The following ELF2 variants were observed in gnomAD, a reference collection of about 807,000 sequenced individuals.
ELF2 encodes the protein ETS-related transcription factor Elf-2.
ELF2 carries 11 observed loss-of-function variants against 54.8 expected under a neutral mutation model. The ratio of observed to expected loss-of-function variants is 0.20; its 90% CI spans 0.13 to 0.33. The LOEUF is 0.33. Among genes scored for constraint, ELF2 ranks in the 10% least tolerant of loss-of-function variants. ELF2 has a pLI of 1.00. For missense variants in ELF2, 513 were observed against 703.0 expected, an observed-to-expected ratio of 0.73 and a Z score of 3.06; for synonymous variants, 203 against 245.1, an observed-to-expected ratio of 0.83 and a Z score of 1.61.
chr4:139,070,335 G>A (rs922585353), intron 6 of ELF2, among the ~76,000 whole-genome samples: 4 of 150,730 alleles, frequency 2.7e-5, no homozygotes, highest in African/African-American at 9.8e-5. Context: ...CTGTCACCCA[G>A]GCTGGAGTAC....
chr4:139,121,577 G>A (rs1178595831), intron 4 of ELF2, among the ~76,000 whole-genome samples: 1 of 151,768 alleles, frequency 6.6e-6, no homozygotes, highest in East Asian at 1.9e-4. Context: ...AACTCCTGTA[G>A]TGAATCCAAA....
At chr4:139,091,333 C>T (rs1052726393) in intron 4 of ELF2, among the ~76,000 whole-genome samples, 1 of 152,024 alleles carries the variant, frequency 6.6e-6, no homozygotes, top group Non-Finnish European at 1.5e-5. Context: ...ACATGTCAAA[C>T]TGTGTGATTT....
At position 139,164,013 on chromosome 4, in the gene ELF2, CAAGAGA is replaced by C. The variant is rs1034946160; in HGVS notation, c.-252+12948_-252+12953del. Among the ~76,000 whole-genome samples the C allele has an allele frequency of 7.4e-4, 94 of 127,678 alleles. 1 individual carries two copies. The highest frequency in any genetic ancestry group is 2.0e-3 in the Admixed American group (21 of 10,740). The allele number at this position is 127,678 out of a possible 152,430, so 83.8% of individuals were successfully genotyped here. On this transcript the variant is annotated intron_variant, in intron 1 of 9. Transcript: ENST00000686138. ...AAGAAGGAAAGGAAAGGGGCAAGGGCAAGAGAAAGAGAAAGAGAAGGAAGGGAGGCA... is the reference window on the plus strand; with the variant it reads ...AAGAAGGAAAGGAAAGGGGCAAGGGCAAGAGAAAGAGAAGGAAGGGAGGCA...
intron 1 of ELF2, among the ~76,000 whole-genome samples, chr4:139,142,228 C>T (rs1335197610): frequency 6.6e-6 from 1 of 152,128 alleles, no homozygotes; most frequent in Admixed American, 6.6e-5. Flanking sequence ...TAAGGACTCA[C>T]TAAAAAAGTG....
Position 139,071,980 on chromosome 4 carries a change from G to A in ELF2, c.412C>T (p.Pro138Ser), listed in dbSNP as rs888576432. ...TPEFIHAAMR[P>S]DVITETVVEV... is the part of the protein sequence containing the mutation. ...ACTACAGTTTCTGTAATGACATCTG[G>A]CCTCATAGCAGCATGGATGAATTCT... The change falls in exon 6 of 10, where the codon CCA becomes TCA. Residue 138 changes from proline (P) to serine (S), a missense_variant. By Grantham distance (74) the Pro-to-Ser change is moderately conservative. Around this residue, in one of 3 missense-constraint regions of ELF2, gnomAD observed 203 missense variants for 245.9 expected, o/e 0.83. Transcript: ENST00000686138. 6.2e-7 allele frequency: 1 copy of A among 1,613,924 alleles called. No homozygotes were observed. Among genetic ancestry groups the A allele is most frequent in the Non-Finnish European group, 8.5e-7 (1 of 1,179,974 alleles).
intron 4 of ELF2, among the ~76,000 whole-genome samples, chr4:139,105,524 T>C (rs536970132): frequency 5.9e-5 from 9 of 152,332 alleles, no homozygotes; most frequent in African/African-American, 2.2e-4. Context: ...GTTAACTGAA[T>C]TTTAACAATG....
Position 139,176,407 on chromosome 4 carries a change from G to A in ELF2, c.-252+560C>T. ...AAACTGGTGTCCAGCGCCCCCCCCC[G>A]CCTGCCCGCCACCCAGAGCGGCCGG... is the stretch of plus-strand genomic sequence containing the variant. On this transcript the variant is annotated intron_variant, in intron 1 of 9. Coordinates refer to ENST00000686138, the MANE Select transcript of ELF2 (RefSeq NM_001331036.3). 1.5e-5 allele frequency among the ~76,000 whole-genome samples: 2 copies of A among 131,312 alleles called. 1 individual carries two copies. Among genetic ancestry groups the A allele is most frequent in the Non-Finnish European group, 3.3e-5 (2 of 60,748 alleles). The allele number at this position is 131,312 out of a possible 152,430, so 86.1% of individuals were successfully genotyped here.
chr4:139,130,476 T>C (rs1298754668), intron 3 of ELF2, among the ~76,000 whole-genome samples: 1 of 152,268 alleles, frequency 6.6e-6, no homozygotes, highest in Non-Finnish European at 1.5e-5. Flanking sequence ...TGTTATTTTG[T>C]AGCCTTCACA....
At chr4:139,139,365 G>A (rs935447606) in intron 2 of ELF2, 48 bp downstream of exon 2, 10 of 959,360 alleles carry the variant, frequency 1.0e-5, no homozygotes, top group Middle Eastern at 7.6e-4. Flanking sequence ...ACCATATAAG[G>A]TACTATTCCC....
intron 4 of ELF2, among the ~76,000 whole-genome samples, chr4:139,124,283 A>C (rs1278160380): frequency 6.6e-6 from 1 of 152,194 alleles, no homozygotes; most frequent in African/African-American, 2.4e-5. Context: ...CCTTAGCTCC[A>C]CAAAAAATAA....
At chr4:139,138,766 T>C (rs1257998861) in intron 2 of ELF2, among the ~76,000 whole-genome samples, 1 of 152,226 alleles carries the variant, frequency 6.6e-6, no homozygotes, top group African/African-American at 2.4e-5. Flanking sequence ...AAAAATAAAG[T>C]AGTTACCACT....
chr4:139,132,487 ATCTATCCCTATAGATT>A (rs1360847405), intron 3 of ELF2, among the ~76,000 whole-genome samples: 1 of 152,076 alleles, frequency 6.6e-6, no homozygotes, highest in East Asian at 1.9e-4. Context: ...GCAACCACTG[ATCTATCCCTATAGATT>A]TCTATCCCTA....
chr4:139,161,530 T>A (rs915831544), intron 1 of ELF2, among the ~76,000 whole-genome samples: 2 of 152,008 alleles, frequency 1.3e-5, no homozygotes, highest in African/African-American at 4.8e-5. Flanking sequence ...ACTTTAAGGT[T>A]CTTTTTTAGG....
intron 3 of ELF2, among the ~76,000 whole-genome samples, chr4:139,125,566 T>C (rs1321374564): frequency 6.6e-6 from 1 of 152,162 alleles, no homozygotes; most frequent in East Asian, 1.9e-4. Context: ...TAGGATTAAG[T>C]TGGCAGATTA....
At chr4:139,068,931 C>T (rs1278980519) in intron 6 of ELF2, among the ~76,000 whole-genome samples, 1 of 151,486 alleles carries the variant, frequency 6.6e-6, no homozygotes, top group Non-Finnish European at 1.5e-5. Context: ...CAGACTGGAG[C>T]GCAGTGACGC....
At chr4:139,105,371 C>T (rs78747818) in intron 4 of ELF2, among the ~76,000 whole-genome samples, 7,809 of 152,208 alleles carry the variant, frequency 0.051, 180 homozygotes, top group Middle Eastern at 0.11. Flanking sequence ...TAATGCCTTG[C>T]ATTTACTAGG....
rs1727300708 is a variant in ELF2, at chr4:139,058,265, G to A, written c.*718C>T. The A allele has an allele frequency of 1.3e-5, 2 of 151,762 alleles. No homozygotes were observed. Among genetic ancestry groups the A allele is most frequent in the Admixed American group, 6.6e-5 (1 of 15,234 alleles). The allele number at this position is 151,762 out of a possible 1,614,324, so 9.4% of individuals were successfully genotyped here. On this transcript the variant is annotated 3_prime_UTR_variant, in exon 10 of 10. Transcript: ENST00000686138. Reference sequence around the variant, plus strand: ...ATATTCTATAACAATACTGTGCTAGGTACAAGATTTTTAAAATTTTTCTTT... The same window carrying A: ...ATATTCTATAACAATACTGTGCTAGATACAAGATTTTTAAAATTTTTCTTT...
At chr4:139,119,877 A>C (rs1484184662) in intron 4 of ELF2, among the ~76,000 whole-genome samples, 2 of 152,056 alleles carry the variant, frequency 1.3e-5, no homozygotes, top group African/African-American at 4.8e-5. Context: ...CGGTTCAGGC[A>C]ATTCTCTTGC....
chr4:139,133,175 C>T (rs1002673322), intron 3 of ELF2, among the ~76,000 whole-genome samples: 1 of 152,116 alleles, frequency 6.6e-6, no homozygotes, highest in Non-Finnish European at 1.5e-5. Context: ...CCCGCCTCGG[C>T]TTCCGAAAAT....
Sources: gnomAD v4.1 joint callset for allele counts (sites outside exome capture counted in the v4.1 genomes callset) on GRCh38, gnomAD v4.1.1 for gene constraint, gnomAD v4.1.1 regional missense constraint, MANE v1.5 for transcripts, NCBI Gene and HGNC (gene_info 2026-07-23, HGNC 2026-07-21) for gene names.